The following NTM variants were observed in gnomAD, a reference collection of about 807,000 sequenced individuals.
NTM encodes neurotrimin.
A neutral mutation model predicts 42.1 loss-of-function variants in NTM; 13 were observed. The ratio of observed to expected loss-of-function variants is 0.31; its 90% confidence interval spans 0.20 to 0.49. NTM has a LOEUF of 0.49. NTM is among the 20% of genes least tolerant of loss of function. The pLI, the probability that NTM is intolerant of heterozygous loss-of-function variation, is 0.99. For missense variants in NTM, 373 were observed against 452.8 expected (o/e 0.82, Z 1.60); for synonymous variants, 187 against 179.2 (o/e 1.04, Z -0.35).
chr11:132,002,872 A>G lies in NTM; in HGVS notation c.167+91224A>G, dbSNP rs2069646074. On this transcript the variant is annotated intron_variant, in intron 2 of 8. Transcript: ENST00000683400. The surrounding 1 kb of genome is among the most constrained non-coding windows in gnomAD (Gnocchi z 4.5). The stretch of plus-strand genomic sequence containing the variant: ...CCTAGAACAAAGCCTGCACATAGCA[A>G]GCTCTTAGCCAATGTTAGCAGCCAT... Among the ~76,000 whole-genome samples, 1 of 152,178 alleles carries G rather than the reference A, an allele frequency of 6.6e-6. No homozygotes were observed. Among genetic ancestry groups the G allele is most frequent in the Non-Finnish European group, 1.5e-5 (1 of 68,046 alleles).
Position 132,146,822 on chromosome 11 carries a change from T to TG in NTM, c.400+308_400+309insG, listed in dbSNP as rs1566296208. 2.6e-6 allele frequency: 1 copy of TG among 377,770 alleles called. No homozygotes were observed. The allele number at this position is 377,770 out of a possible 1,614,324, so 23.4% of individuals were successfully genotyped here. ...GTTTTAGTTATTTTTGTTTGTTTGTTTTTTGTTTTGTTTTGTTTTGTTTTT... is the reference window on the plus strand; with the variant it reads ...GTTTTAGTTATTTTTGTTTGTTTGTTGTTTTGTTTTGTTTTGTTTTGTTTTT... On this transcript the variant is annotated intron_variant, in intron 3 of 8. Transcript: ENST00000683400. This position sits in a 1 kb window ranked among gnomAD's most constrained non-coding sequence, Gnocchi z 4.5.
chr11:131,933,396 G>A (rs914471776), intron 2 of NTM, among the ~76,000 whole-genome samples: 2 of 152,184 alleles, frequency 1.3e-5, no homozygotes, highest in African/African-American at 2.4e-5. Flanking sequence ...TTGTGTTTCA[G>A]CTGGGAGTTC....
intron 1 of NTM, among the ~76,000 whole-genome samples, chr11:131,736,668 C>T (rs1240743275): frequency 6.6e-6 from 1 of 152,086 alleles, no homozygotes; most frequent in African/African-American, 2.4e-5. Context: ...GGCAAGGCAG[C>T]CAAGGACACA....
At chr11:131,834,308 A>G (rs979082071) in intron 1 of NTM, among the ~76,000 whole-genome samples, 1 of 152,084 alleles carries the variant, frequency 6.6e-6, no homozygotes, top group Non-Finnish European at 1.5e-5. Flanking sequence ...TCCCTTCCAC[A>G]TCTATGGGCT....
At chr11:131,715,665 C>T (rs1384441236) in intron 1 of NTM, among the ~76,000 whole-genome samples, 1 of 152,142 alleles carries the variant, frequency 6.6e-6, no homozygotes, top group Admixed American at 6.5e-5. Context: ...TCTATCCCCT[C>T]CCCCAGCTTC....
chr11:131,844,453 G>A (rs535275787), intron 1 of NTM, among the ~76,000 whole-genome samples: 15 of 152,100 alleles, frequency 9.9e-5, no homozygotes, highest in South Asian at 6.2e-4. Context: ...TTAATTATTC[G>A]TGATACTTTG....
intron 4 of NTM, among the ~76,000 whole-genome samples, chr11:132,295,397 T>A (rs1330777100): frequency 6.6e-6 from 1 of 152,194 alleles, no homozygotes; most frequent in Non-Finnish European, 1.5e-5. Context: ...ATATTGGAGA[T>A]GTAGAGGTGC....
chr11:131,573,955 C>A (rs1459616525), intron 1 of NTM, among the ~76,000 whole-genome samples: 1 of 152,180 alleles, frequency 6.6e-6, no homozygotes, highest in Non-Finnish European at 1.5e-5. Context: ...TGAGCCACAG[C>A]AGCCTCATGC....
intron 1 of NTM, among the ~76,000 whole-genome samples, chr11:131,752,433 C>T (rs906394655): frequency 7.9e-5 from 12 of 152,168 alleles, no homozygotes; most frequent in Admixed American, 2.6e-4. Context: ...ACTTTTACAT[C>T]GCTGGTGGGA....
chr11:131,804,626 A>G (rs2092375519), intron 1 of NTM, among the ~76,000 whole-genome samples: 1 of 152,154 alleles, frequency 6.6e-6, no homozygotes, highest in Non-Finnish European at 1.5e-5. Flanking sequence ...CAAGGGTTAT[A>G]GCCTCTGCAA....
intron 1 of NTM, among the ~76,000 whole-genome samples, chr11:131,532,799 G>C (rs760559777): frequency 3.3e-5 from 5 of 152,168 alleles, no homozygotes; most frequent in Non-Finnish European, 7.4e-5. Flanking sequence ...TTGTGGTTTT[G>C]ATTTGCATTT....
chr11:131,655,194 C>A lies in NTM; in HGVS notation c.83-256370C>A, dbSNP rs569523855. On this transcript the variant is annotated intron_variant, in intron 1 of 8. Transcript: ENST00000683400. The stretch of plus-strand genomic sequence containing the variant: ...GGGGTTGGGATACGACTTGAGTATG[C>A]GGGTTTTTCAAGTCTTCTGAAGTCA... 1.5e-4 allele frequency among the ~76,000 whole-genome samples: 23 copies of A among 152,258 alleles called. No homozygotes were observed. The South Asian group carries it at 4.8e-3, about 32-fold the overall frequency.
intron 4 of NTM, among the ~76,000 whole-genome samples, chr11:132,218,278 A>AAAAGGGAG (rs2084348989): frequency 6.6e-6 from 1 of 152,216 alleles, no homozygotes; most frequent in Admixed American, 6.5e-5. Context: ...ACTGAGAAGA[A>AAAAGGGAG]AAAGGGAGAA....
intron 2 of NTM, among the ~76,000 whole-genome samples, chr11:131,931,468 CGTGT>C (rs147069139): frequency 0.019 from 2,646 of 142,672 alleles, 54 homozygotes; most frequent in South Asian, 0.074. Context: ...ATAATATATA[CGTGT>C]GTGTGTGTGT....
intron 1 of NTM, among the ~76,000 whole-genome samples, chr11:131,598,430 A>G (rs933469038): frequency 3.3e-5 from 5 of 152,342 alleles, no homozygotes; most frequent in Admixed American, 6.5e-5. Flanking sequence ...TGTCCTTGTT[A>G]TGTAGATTCT....
At chr11:131,843,686 C>T (rs906477240) in intron 1 of NTM, among the ~76,000 whole-genome samples, 4 of 152,198 alleles carry the variant, frequency 2.6e-5, no homozygotes, top group Non-Finnish European at 4.4e-5. Flanking sequence ...AGTTTAAAAT[C>T]TCACTAGACT....
At chr11:132,304,591 A>G (rs2095005574) in intron 4 of NTM, among the ~76,000 whole-genome samples, 1 of 152,160 alleles carries the variant, frequency 6.6e-6, no homozygotes, top group African/African-American at 2.4e-5. Flanking sequence ...CTCCTTTAGG[A>G]ACCTGATTTT....
intron 4 of NTM, among the ~76,000 whole-genome samples, chr11:132,295,106 GCC>G (rs992615263): frequency 2.0e-5 from 3 of 151,394 alleles, no homozygotes; most frequent in Non-Finnish European, 4.4e-5. Flanking sequence ...CATGAATCCA[GCC>G]CTCTCTCTCT....
intron 1 of NTM, among the ~76,000 whole-genome samples, chr11:131,897,268 TAGAG>T (rs147448742): frequency 2.7e-5 from 4 of 150,232 alleles, no homozygotes; most frequent in African/African-American, 9.8e-5. Flanking sequence ...ATTAAAAGAG[TAGAG>T]AGAGAGGGGA....
Sources: allele counts gnomAD v4.1 joint callset (sites outside exome capture counted in the v4.1 genomes callset), GRCh38; gene constraint gnomAD v4.1.1; non-coding constraint Gnocchi (gnomAD v3.1); transcripts MANE v1.5; gene names NCBI Gene and HGNC (gene_info 2026-07-23, HGNC 2026-07-21).